Variants in WDR7 observed in about 807,000 individuals in gnomAD.
WDR7 encodes WD repeat domain 7, also known as WD repeat-containing protein 7.
A neutral mutation model predicts 169.4 loss-of-function variants in WDR7; 46 were observed. The observed-to-expected ratio is 0.27, with a 90% CI of 0.21 to 0.35. WDR7 has a LOEUF of 0.35. Among genes scored for constraint, WDR7 ranks in the 10% least tolerant of loss-of-function variants. The pLI, the probability that WDR7 is intolerant of heterozygous loss-of-function variation, is 1.00. For missense variants in WDR7, 1,534 were observed against 1,859.3 expected, an observed-to-expected ratio of 0.83 and a Z score of 3.22; for synonymous variants, 612 against 666.8, an observed-to-expected ratio of 0.92 and a Z score of 1.27.
chr18:56,766,561 A>T, intron 16 of WDR7, among the ~76,000 whole-genome samples: 1 of 150,902 alleles, frequency 6.6e-6, no homozygotes, highest in East Asian at 1.9e-4. Context: ...ATTTATTTTT[A>T]TTTTTTTTTA....
intron 1 of WDR7, among the ~76,000 whole-genome samples, chr18:56,660,658 TAAAA>T (rs55736389): frequency 3.0e-3 from 438 of 145,372 alleles, no homozygotes; most frequent in Middle Eastern, 3.5e-3. Flanking sequence ...ATTTAAAGGT[TAAAA>T]AAAAAAAAAA....
chr18:56,774,307 G>A (rs2044209803), intron 16 of WDR7, among the ~76,000 whole-genome samples: 1 of 152,086 alleles, frequency 6.6e-6, no homozygotes, highest in South Asian at 2.1e-4. Flanking sequence ...GGATATGTAT[G>A]TGCTATGTAA....
At chr18:56,853,606 G>A (rs2045673827) in intron 20 of WDR7, among the ~76,000 whole-genome samples, 1 of 152,020 alleles carries the variant, frequency 6.6e-6, no homozygotes, top group Non-Finnish European at 1.5e-5. Context: ...ACTAGAATAT[G>A]GCCAGTCTTA....
chr18:56,871,724 T>G (rs1277106315), intron 20 of WDR7, among the ~76,000 whole-genome samples: 1 of 152,084 alleles, frequency 6.6e-6, no homozygotes, highest in African/African-American at 2.4e-5. Flanking sequence ...GGACTCCATC[T>G]TGTGCCAGAA....
chr18:56,776,954 G>GT, intron 17 of WDR7, 74 bp downstream of exon 17: 1 of 1,337,706 alleles, frequency 7.5e-7, no homozygotes, highest in Non-Finnish European at 1.1e-6. Flanking sequence ...TTTTATCTGA[G>GT]TTACACATTC....
Position 56,938,558 on chromosome 18 carries a change from C to G in WDR7, c.3857C>G (p.Ala1286Gly). ...GTACACAGACATACGGCTCTTGCAG[C>G]AAATACCCAATCACAGCAGAATATG... The part of the protein sequence containing the change: ...KEVHRHTALA[A>G]NTQSQQNMHT... Residue 1286 changes from alanine (A) to glycine (G), a missense_variant, in exon 24 of 28, where the codon GCA becomes GGA. Transcript: ENST00000254442. 6.2e-7 allele frequency: 1 copy of G among 1,613,822 alleles called. No individual in the cohort carries two copies. The highest frequency in any genetic ancestry group is 8.5e-7 in the Non-Finnish European group (1 of 1,179,864).
chr18:56,911,879 G>A (rs1445028488), intron 21 of WDR7, among the ~76,000 whole-genome samples: 1 of 152,112 alleles, frequency 6.6e-6, no homozygotes, highest in Non-Finnish European at 1.5e-5. Context: ...GACATTAATG[G>A]CATTTCTTTG....
intron 1 of WDR7, among the ~76,000 whole-genome samples, chr18:56,655,465 C>T (rs1030018194): frequency 3.9e-5 from 6 of 151,924 alleles, no homozygotes; most frequent in East Asian, 1.9e-4. Flanking sequence ...GCAAAAAATA[C>T]GAAAATTAGT....
chr18:56,778,296 T>G (rs999257211), intron 17 of WDR7, among the ~76,000 whole-genome samples: 4 of 152,170 alleles, frequency 2.6e-5, no homozygotes, highest in African/African-American at 9.6e-5. Context: ...TTTTTGTCAT[T>G]ATTTTAAGAA....
At chr18:57,014,614 G>A (rs1439406529) in intron 26 of WDR7, among the ~76,000 whole-genome samples, 4 of 151,746 alleles carry the variant, frequency 2.6e-5, no homozygotes, top group Admixed American at 2.0e-4. Flanking sequence ...CCGAGATCGC[G>A]CCATTGCACT....
At chr18:56,877,337 A>T (rs113522636) in intron 20 of WDR7, among the ~76,000 whole-genome samples, 15 of 152,156 alleles carry the variant, frequency 9.9e-5, no homozygotes, top group African/African-American at 3.6e-4. Flanking sequence ...TCATCCTGCT[A>T]CTTTTGCCAC....
chr18:56,950,413 A>G (rs1171240815), intron 25 of WDR7, among the ~76,000 whole-genome samples: 1 of 152,148 alleles, frequency 6.6e-6, no homozygotes, highest in Non-Finnish European at 1.5e-5. Context: ...TTGCTTTTGC[A>G]CCATCAGTGC....
In WDR7 at chr18:56,779,517, C is replaced by G. The variant is rs1352653566; in HGVS notation, c.3034C>G (p.Leu1012Val). 6.2e-7 allele frequency: 1 copy of G among 1,613,930 alleles called. No homozygotes were observed. Among genetic ancestry groups the G allele is most frequent in the East Asian group, 2.2e-5 (1 of 44,862 alleles). Residue 1012 changes from leucine (L) to valine (V), a missense_variant, in exon 18 of 28, where the codon CTG becomes GTG. Leu to Val is a conservative substitution (Grantham distance 32). Coordinates refer to ENST00000254442, the MANE Select transcript of WDR7 (RefSeq NM_015285.3). The part of the protein sequence containing the change: ...DKFRPPLLEM[L>V]ARRWQDRCLE... ...ATTTAGGCCTCCCCTTCTGGAGATG[C>G]TGGCCCGAAGATGGCAAGATCGATG...
intron 20 of WDR7, among the ~76,000 whole-genome samples, chr18:56,820,523 G>A (rs2045076780): frequency 6.6e-6 from 1 of 151,702 alleles, no homozygotes; most frequent in African/African-American, 2.4e-5. Flanking sequence ...TCATTCAGGA[G>A]CAAATATATA....
At chr18:56,914,885 A>G (rs1027562832) in intron 21 of WDR7, among the ~76,000 whole-genome samples, 19 of 152,230 alleles carry the variant, frequency 1.2e-4, no homozygotes, top group African/African-American at 4.6e-4. Context: ...ATTTCCCTAC[A>G]TGACACAACT....
At chr18:57,008,190 C>T (rs1453141960) in intron 26 of WDR7, among the ~76,000 whole-genome samples, 10 of 152,132 alleles carry the variant, frequency 6.6e-5, no homozygotes, top group Admixed American at 1.3e-4. Context: ...GCAGCACCAC[C>T]AGCCCCGCTT....
intron 20 of WDR7, among the ~76,000 whole-genome samples, chr18:56,873,029 G>A (rs1453235995): frequency 6.6e-6 from 1 of 152,176 alleles, no homozygotes; most frequent in Non-Finnish European, 1.5e-5. Context: ...AGAAATTGCT[G>A]TGTTATTTTT....
chr18:56,695,167 G>A lies in WDR7; in HGVS notation c.1326G>A (p.Gln442=). The A allele has an allele frequency of 1.9e-6, 3 of 1,614,172 alleles. No homozygotes were observed. Among genetic ancestry groups the A allele is most frequent in the Non-Finnish European group, 8.5e-7 (1 of 1,180,020 alleles). ...IVPATQTAIV[Q]LLQGEHMLRR... ...CTGCCACACAGACGGCCATAGTACA[G>A]CTGTTGCAAGGGGAACACATGCTCA... The change falls in exon 11 of 28, where the codon CAG becomes CAA. Residue 442 remains glutamine, a synonymous_variant. Coordinates refer to ENST00000254442, the MANE Select transcript of WDR7 (RefSeq NM_015285.3).
At chr18:56,841,036 C>CA (rs1191975426) in intron 20 of WDR7, among the ~76,000 whole-genome samples, 3 of 150,142 alleles carry the variant, frequency 2.0e-5, no homozygotes, top group Non-Finnish European at 1.5e-5. Context: ...ACTAAAAATA[C>CA]AAAAAAATTA....
Sources: gnomAD v4.1 joint callset for allele counts (sites outside exome capture counted in the v4.1 genomes callset) on GRCh38, gnomAD v4.1.1 for gene constraint, MANE v1.5 for transcripts, NCBI Gene and HGNC (gene_info 2026-07-23, HGNC 2026-07-21) for gene names.